The following KBTBD12 variants were observed in gnomAD, a reference collection of about 807,000 sequenced individuals.
The protein encoded by KBTBD12 is kelch repeat and BTB domain-containing protein 12.
In KBTBD12, 53 loss-of-function variants were observed where a neutral mutation model predicts 58.7. That is an observed-to-expected ratio of 0.90 (90% CI 0.72 to 1.14). KBTBD12 has a LOEUF of 1.14. KBTBD12 is among the 50% of genes most tolerant of loss of function. KBTBD12 has a pLI of 0.00. For synonymous variants in KBTBD12, 236 were observed against 259.8 expected, an observed-to-expected ratio of 0.91 and a Z score of 0.88; for missense variants, 704 against 751.3, an observed-to-expected ratio of 0.94 and a Z score of 0.74.
Position 127,959,103 on chromosome 3 carries a change from C to T in KBTBD12, c.1493-4086C>T, listed in dbSNP as rs765755699. ...AGGCACCAAAGCTAGAATTCTGATA[C>T]GAGGTTGGAAAAAAATCAGAGAGCT... On this transcript the variant is annotated intron_variant, in intron 4 of 5. Coordinates refer to ENST00000405109, the MANE Select transcript of KBTBD12 (RefSeq NM_207335.4). Among the ~76,000 whole-genome samples, 5 of 152,124 alleles carry T rather than the reference C, an allele frequency of 3.3e-5. No homozygotes were observed. The East Asian group carries it at 5.8e-4, about 18-fold the overall frequency.
Position 127,923,718 on chromosome 3 carries a change from A to G in KBTBD12, c.657A>G (p.Gln219=). The G allele has an allele frequency of 1.9e-6, 3 of 1,613,908 alleles. No individual in the cohort carries two copies. The South Asian group carries it at 3.3e-5, about 18-fold the overall frequency. Reference sequence around the variant, plus strand: ...TGCATCTTGTTGAGCTTTTGAAGCAAGTCAGATTGGAACTTGTAAATCCTT... The same window carrying G: ...TGCATCTTGTTGAGCTTTTGAAGCAGGTCAGATTGGAACTTGTAAATCCTT... ...RTVHLVELLK[Q]VRLELVNPSF... is the part of the protein sequence containing the mutation. The change falls in exon 2 of 6, where the codon CAA becomes CAG. Residue 219 remains glutamine (Q), a synonymous_variant. Coordinates refer to ENST00000405109, the MANE Select transcript of KBTBD12 (RefSeq NM_207335.4).
intron 4 of KBTBD12, among the ~76,000 whole-genome samples, chr3:127,950,720 G>A (rs1940184311): frequency 6.6e-6 from 1 of 152,134 alleles, no homozygotes; most frequent in Non-Finnish European, 1.5e-5. Context: ...TCACTCCACA[G>A]GGAGGAATTA....
At chr3:127,926,768 A>G (rs931552650) in intron 2 of KBTBD12, among the ~76,000 whole-genome samples, 1 of 152,138 alleles carries the variant, frequency 6.6e-6, no homozygotes, top group African/African-American at 2.4e-5. Flanking sequence ...TTGTTTCCAA[A>G]CAGAACAACT....
chr3:127,985,746 C>A lies in KBTBD12; in HGVS notation c.*1468C>A, dbSNP rs1479041886. The A allele has an allele frequency of 3.3e-5, 5 of 152,264 alleles. No individual in the cohort carries two copies. Among genetic ancestry groups the A allele is most frequent in the African/African-American group, 1.2e-4 (5 of 41,448 alleles). 9.4% of individuals were successfully genotyped at this position (152,264 alleles called of 1,614,324 possible). ...AGGTTGGCCCCAAGTAGGCTCAACT[C>A]GGGAGGGTGGGGGTCCCGCCTTTCT... On this transcript the variant is annotated 3_prime_UTR_variant, in exon 6 of 6. Coordinates refer to ENST00000405109, the MANE Select transcript of KBTBD12 (RefSeq NM_207335.4).
At chr3:127,972,021 G>A (rs555227247) in intron 5 of KBTBD12, among the ~76,000 whole-genome samples, 8 of 152,310 alleles carry the variant, frequency 5.3e-5, no homozygotes, top group African/African-American at 1.9e-4. Flanking sequence ...TTATCAGAAA[G>A]AGAAAATGCA....
intron 4 of KBTBD12, among the ~76,000 whole-genome samples, chr3:127,958,094 T>A (rs1047350286): frequency 5.9e-5 from 9 of 151,692 alleles, no homozygotes; most frequent in Non-Finnish European, 1.3e-4. Context: ...AATGGTTGAG[T>A]GTTCTGGTGC....
chr3:127,979,570 A>G (rs963569247), intron 5 of KBTBD12, among the ~76,000 whole-genome samples: 2 of 152,244 alleles, frequency 1.3e-5, no homozygotes, highest in African/African-American at 4.8e-5. Flanking sequence ...ATTAAAATTA[A>G]ATAAAATTTA....
intron 1 of KBTBD12, among the ~76,000 whole-genome samples, chr3:127,917,561 T>C (rs1939279558): frequency 6.6e-6 from 1 of 152,106 alleles, no homozygotes; most frequent in Non-Finnish European, 1.5e-5. Context: ...GAGCTGAAAG[T>C]CCCAATGCTC....
At chr3:127,938,290 G>C (rs1223646165) in intron 4 of KBTBD12, among the ~76,000 whole-genome samples, 1 of 152,058 alleles carries the variant, frequency 6.6e-6, no homozygotes, top group Non-Finnish European at 1.5e-5. Context: ...TAACAAGTTG[G>C]GACAGGGGTG....
At chr3:127,947,013 T>A (rs1217531288) in intron 4 of KBTBD12, among the ~76,000 whole-genome samples, 1 of 152,236 alleles carries the variant, frequency 6.6e-6, no homozygotes, top group Admixed American at 6.5e-5. Flanking sequence ...ATTTCTCTAC[T>A]TTTCTCATCC....
chr3:127,944,840 CT>C (rs1940035869), intron 4 of KBTBD12, among the ~76,000 whole-genome samples: 1 of 151,842 alleles, frequency 6.6e-6, no homozygotes, highest in Non-Finnish European at 1.5e-5. Context: ...GGGAAATGTT[CT>C]TCTCTACATT....
chr3:127,966,244 G>C (rs1415530003), intron 5 of KBTBD12, among the ~76,000 whole-genome samples: 1 of 152,154 alleles, frequency 6.6e-6, no homozygotes. Flanking sequence ...GTTCTTCTCT[G>C]GGGGTCTGAC....
intron 5 of KBTBD12, among the ~76,000 whole-genome samples, chr3:127,983,174 GA>G (rs1940902363): frequency 6.6e-6 from 1 of 152,232 alleles, no homozygotes; most frequent in Admixed American, 6.5e-5. Context: ...ACTGAATTGT[GA>G]ACGTGGCCTT....
rs1205297777 is a variant in KBTBD12 at position 127,923,636 on chromosome 3, A to G, written c.575A>G (p.Glu192Gly). 2.5e-6 allele frequency: 4 copies of G among 1,613,718 alleles called. No individual in the cohort carries two copies. The highest frequency in any genetic ancestry group is 3.4e-6 in the Non-Finnish European group (4 of 1,179,744). The change falls in exon 2 of 6, where the codon GAG (glutamate) becomes GGG (glycine). Residue 192 changes from glutamate to glycine, a missense_variant. Glu to Gly is a moderately conservative substitution (Grantham distance 98). Transcript: ENST00000405109. ...GATGATCTTAACATATCCAGAGAAGAGAGCATTCTGGACTTAGTTCTGAGA... is the reference window on the plus strand; with the variant it reads ...GATGATCTTAACATATCCAGAGAAGGGAGCATTCTGGACTTAGTTCTGAGA... ...KSDDLNISREESILDLVLRWV... is the reference protein window; with the variant it reads ...KSDDLNISREGSILDLVLRWV...
intron 1 of KBTBD12, among the ~76,000 whole-genome samples, chr3:127,922,170 T>A (rs1200442017): frequency 6.6e-6 from 1 of 152,120 alleles, no homozygotes; most frequent in African/African-American, 2.4e-5. Context: ...CTTTAAAAAA[T>A]TTAGACTAAT....
At position 127,930,303 on chromosome 3, in the gene KBTBD12, T is replaced by A; in HGVS notation, c.1492+20T>A. 1 of 1,605,998 alleles carries A rather than the reference T, an allele frequency of 6.2e-7. No individual in the cohort carries two copies. The highest frequency in any genetic ancestry group is 8.5e-7 in the Non-Finnish European group (1 of 1,175,492). Reference sequence around the variant, plus strand: ...TTTTGGGTAAGAAGAAGCAGATTGCTAACAGTATAACTACTTTTATTTTCC... The same window carrying A: ...TTTTGGGTAAGAAGAAGCAGATTGCAAACAGTATAACTACTTTTATTTTCC... On this transcript the variant is annotated intron_variant, in intron 4 of 5. Transcript: ENST00000405109.
chr3:127,928,241 C>T (rs1457870203), intron 3 of KBTBD12: 18 of 554,138 alleles, frequency 3.2e-5, no homozygotes, highest in Admixed American at 2.8e-4. Flanking sequence ...ATAGACATGA[C>T]TTGATTCAGT....
intron 5 of KBTBD12, among the ~76,000 whole-genome samples, chr3:127,967,290 A>G (rs114270795): frequency 0.016 from 2,467 of 152,300 alleles, 62 homozygotes; most frequent in African/African-American, 0.054. Flanking sequence ...ACATTTGGAG[A>G]AGAACAATGA....
chr3:127,960,787 G>A (rs776955634), intron 4 of KBTBD12, among the ~76,000 whole-genome samples: 12 of 152,222 alleles, frequency 7.9e-5, no homozygotes, highest in South Asian at 2.1e-4. Flanking sequence ...TGAGTGGAGC[G>A]TGTGAACTGC....
Sources: allele counts gnomAD v4.1 joint callset (sites outside exome capture counted in the v4.1 genomes callset), GRCh38; gene constraint gnomAD v4.1.1; transcripts MANE v1.5; gene names NCBI Gene and HGNC (gene_info 2026-07-23, HGNC 2026-07-21).